GNAT3: variants seen among roughly 807,000 people sequenced by gnomAD.
GNAT3 encodes the protein guanine nucleotide-binding protein G(t) subunit alpha-3.
Under a neutral mutation model 37.7 loss-of-function variants are expected in GNAT3, and 31 were observed. That is an observed-to-expected ratio of 0.82 (90% CI 0.62 to 1.11). The LOEUF is 1.11. Among genes scored for constraint, GNAT3 ranks in the 50% most tolerant of loss-of-function variants. GNAT3 has a pLI of 0.00. For synonymous variants in GNAT3, 138 were observed against 139.8 expected, an observed-to-expected ratio of 0.99 and a Z score of 0.09; for missense variants, 437 against 412.5, an observed-to-expected ratio of 1.06 and a Z score of -0.51.
At chr7:80,492,579 A>G (rs527416046) in intron 2 of GNAT3, among the ~76,000 whole-genome samples, 1 of 151,670 alleles carries the variant, frequency 6.6e-6, no homozygotes, top group Non-Finnish European at 1.5e-5. Context: ...ACTTTATTCT[A>G]TCCCATATTT....
At position 80,488,517 on chromosome 7, in the gene GNAT3, C is replaced by T; in HGVS notation, c.303+18G>A. The T allele has an allele frequency of 6.3e-7, 1 of 1,591,746 alleles. No homozygotes were observed. The highest frequency in any genetic ancestry group is 2.3e-5 in the East Asian group (1 of 44,292). On this transcript the variant is annotated intron_variant, in intron 3 of 7. Coordinates refer to ENST00000398291, the MANE Select transcript of GNAT3 (RefSeq NM_001102386.3). Reference sequence around the variant, plus strand: ...ACTCTATTGCAGGACATACAGCTGTCATTATTTGCATACTTACTGCACTTC... The same window carrying T: ...ACTCTATTGCAGGACATACAGCTGTTATTATTTGCATACTTACTGCACTTC...
rs373508908 is a variant in GNAT3 at position 80,511,804 on chromosome 7, A to G, written c.118+5T>C. 8.2e-6 allele frequency: 13 copies of G among 1,580,952 alleles called. No homozygotes were observed. The highest frequency in any genetic ancestry group is 5.6e-5 in the South Asian group (5 of 88,856). ...TTTTTGAAAGCAAAAGGGAAAAGAA[A>G]TTACCTAATAGTAGCAGCTTTACGG... On this transcript the variant is annotated splice_donor_5th_base_variant and intron_variant, in intron 1 of 7. Transcript: ENST00000398291.
At chr7:80,461,097 A>T (rs544988561) in intron 7 of GNAT3, among the ~76,000 whole-genome samples, 2 of 151,154 alleles carry the variant, frequency 1.3e-5, no homozygotes, top group South Asian at 4.1e-4. Context: ...AAATGTATGA[A>T]TATATTATAA....
At chr7:80,496,501 TTCCTAACACTTTTC>T (rs1790719616) in intron 1 of GNAT3, among the ~76,000 whole-genome samples, 2 of 150,820 alleles carry the variant, frequency 1.3e-5, no homozygotes, top group Non-Finnish European at 2.9e-5. Context: ...CTTCACTTCT[TTCCTAACACTTTTC>T]TCCTAACACT....
intron 5 of GNAT3, among the ~76,000 whole-genome samples, chr7:80,463,778 A>G (rs1478001450): frequency 6.6e-6 from 1 of 151,386 alleles, no homozygotes; most frequent in African/African-American, 2.4e-5. Flanking sequence ...AATAGATTCC[A>G]TGTTAACTGA....
intron 5 of GNAT3, among the ~76,000 whole-genome samples, chr7:80,472,500 C>T (rs1159690139): frequency 1.3e-5 from 2 of 152,114 alleles, no homozygotes; most frequent in Non-Finnish European, 2.9e-5. Context: ...CTTGCAGATT[C>T]AGGGGCAGAG....
At chr7:80,460,880 G>T (rs1429690819) in intron 7 of GNAT3, among the ~76,000 whole-genome samples, 2 of 151,962 alleles carry the variant, frequency 1.3e-5, no homozygotes, top group African/African-American at 4.8e-5. Flanking sequence ...CTGTAGGAGG[G>T]GATGGGAAAG....
In GNAT3 at chr7:80,458,688, C is replaced by G. The variant is rs761633220; in HGVS notation, c.1048G>C (p.Asp350His). The G allele has an allele frequency of 2.6e-6, 4 of 1,564,686 alleles. No homozygotes were observed. ...TDIIIKENLK[D>H]CGLF ...ATAGTTGATTAGAAAAGCCCACAGT[C>G]TTTTAGATTCTCTTTGATTATTATA... is the stretch of plus-strand genomic sequence containing the variant. Residue 350 changes from aspartate to histidine, a missense_variant, in exon 8 of 8, where the codon GAC becomes CAC. Transcript: ENST00000398291.
chr7:80,504,165 A>T (rs1389522284), intron 1 of GNAT3, among the ~76,000 whole-genome samples: 1 of 152,058 alleles, frequency 6.6e-6, no homozygotes, highest in Non-Finnish European at 1.5e-5. Flanking sequence ...AAAATAGGAA[A>T]ATTAGCCAGG....
chr7:80,494,525 A>T (rs1173622222), intron 2 of GNAT3, 80 bp downstream of exon 2: 2 of 765,750 alleles, frequency 2.6e-6, no homozygotes, highest in Non-Finnish European at 4.4e-6. Context: ...ATCAGCATTT[A>T]CAAAAGCATG....
intron 1 of GNAT3, among the ~76,000 whole-genome samples, chr7:80,498,458 T>C (rs1326326662): frequency 6.6e-6 from 1 of 152,162 alleles, no homozygotes; most frequent in Non-Finnish European, 1.5e-5. Context: ...TATGTAAAGG[T>C]CCAGTATAGT....
intron 1 of GNAT3, among the ~76,000 whole-genome samples, chr7:80,495,175 T>C (rs946846460): frequency 6.6e-6 from 1 of 152,218 alleles, no homozygotes. Flanking sequence ...TTTGCTATTA[T>C]AAATAGTGCT....
chr7:80,473,808 C>G (rs1419627362), intron 5 of GNAT3, among the ~76,000 whole-genome samples: 1 of 151,980 alleles, frequency 6.6e-6, no homozygotes, highest in Non-Finnish European at 1.5e-5. Flanking sequence ...GTATCATATT[C>G]AAATAATTCT....
At chr7:80,496,605 T>A (rs907626428) in intron 1 of GNAT3, among the ~76,000 whole-genome samples, 3 of 152,218 alleles carry the variant, frequency 2.0e-5, no homozygotes, top group Non-Finnish European at 4.4e-5. Flanking sequence ...AAATTTCACG[T>A]TGCAAAGAAT....
chr7:80,480,877 C>T (rs1277422478), intron 3 of GNAT3, among the ~76,000 whole-genome samples: 1 of 152,076 alleles, frequency 6.6e-6, no homozygotes, highest in Non-Finnish European at 1.5e-5. Flanking sequence ...CACCCTGTAA[C>T]TTAGAATGCC....
intron 2 of GNAT3, among the ~76,000 whole-genome samples, 183 bp downstream of exon 2, chr7:80,494,422 A>G (rs1644456163): frequency 6.6e-6 from 1 of 152,208 alleles, no homozygotes. Flanking sequence ...TTATAATATT[A>G]TTCATCTGCT....
intron 5 of GNAT3, among the ~76,000 whole-genome samples, chr7:80,468,537 A>G (rs992066119): frequency 6.6e-6 from 1 of 152,068 alleles, no homozygotes; most frequent in Non-Finnish European, 1.5e-5. Flanking sequence ...TTTATTCAAG[A>G]TGTTAGTCTC....
intron 3 of GNAT3, chr7:80,486,614 T>TTTTTTC (rs1489030431): frequency 1.3e-5 from 2 of 150,138 alleles, no homozygotes; most frequent in Non-Finnish European, 2.9e-5. Flanking sequence ...CTAGCTATTT[T>TTTTTTC]TTTTTCTTTT....
At chr7:80,489,370 G>A (rs905292224) in intron 2 of GNAT3, among the ~76,000 whole-genome samples, 2 of 152,072 alleles carry the variant, frequency 1.3e-5, no homozygotes, top group African/African-American at 4.8e-5. Flanking sequence ...CGTTAGATAT[G>A]CCAGTTACGT....
Sources: gnomAD v4.1 joint callset for allele counts (sites outside exome capture counted in the v4.1 genomes callset) on GRCh38, gnomAD v4.1.1 for gene constraint, MANE v1.5 for transcripts, NCBI Gene and HGNC (gene_info 2026-07-23, HGNC 2026-07-21) for gene names.